ESRRB: variants seen among roughly 807,000 people sequenced by gnomAD.
The protein encoded by ESRRB is steroid hormone receptor ERR2.
Under a neutral mutation model 46.0 loss-of-function variants are expected in ESRRB, and 16 were observed. That is an observed-to-expected ratio of 0.35 (90% CI 0.24 to 0.53). The LOEUF (loss-of-function observed/expected upper bound fraction) is 0.53, where lower values mean the gene tolerates loss of function less well. Among genes scored for constraint, ESRRB ranks in the 20% least tolerant of loss-of-function variants. The probability of loss-of-function intolerance (pLI) is 0.93; values close to 1 mark genes in which losing one functional copy is unlikely to be tolerated. For missense variants in ESRRB, 488 were observed against 607.4 expected (o/e 0.80, Z 2.07); for synonymous variants, 246 against 259.6 (o/e 0.95, Z 0.50).
intron 1 of ESRRB, among the ~76,000 whole-genome samples, chr14:76,330,545 A>T (rs1461943691): frequency 6.6e-6 from 1 of 152,088 alleles, no homozygotes; most frequent in Non-Finnish European, 1.5e-5. Context: ...ACTTGCCCTG[A>T]CCACTTCCTG....
In ESRRB at chr14:76,477,301, A is replaced by G. The variant is rs116216204; in HGVS notation, c.578-4715A>G. On this transcript the variant is annotated intron_variant, in intron 3 of 6. Coordinates refer to ENST00000644823, the MANE Select transcript of ESRRB (RefSeq NM_001379180.1). ...AAGAACCCATCGAATCGAAGAGCTG[A>G]TGGGTATAAAGGGAAACCAGCATGA... is the stretch of plus-strand genomic sequence containing the variant. Among the ~76,000 whole-genome samples the G allele has an allele frequency of 3.8e-3, 575 of 152,290 alleles. 6 individuals are homozygous for G. The highest frequency in any genetic ancestry group is 0.013 in the African/African-American group (552 of 41,552).
intron 3 of ESRRB, among the ~76,000 whole-genome samples, chr14:76,469,003 T>C (rs1358385901): frequency 6.6e-6 from 1 of 152,186 alleles, no homozygotes; most frequent in African/African-American, 2.4e-5. Flanking sequence ...CTTGGTAGAA[T>C]AGAGGTATTC....
chr14:76,492,186 C>A (rs764691703), intron 6 of ESRRB, among the ~76,000 whole-genome samples: 17 of 152,216 alleles, frequency 1.1e-4, no homozygotes, highest in African/African-American at 4.1e-4. Context: ...TTATTATAGA[C>A]GGGGTCTTGT....
At chr14:76,370,549 C>T (rs374392947), upstream of ESRRB, among the ~76,000 whole-genome samples, 8 of 152,304 alleles carry the variant, frequency 5.3e-5, no homozygotes, top group African/African-American at 1.9e-4. Context: ...GTCATTCATT[C>T]AGTCAACAGC....
intron 1 of ESRRB, among the ~76,000 whole-genome samples, chr14:76,321,098 T>A (rs1009113833): frequency 5.9e-5 from 9 of 152,222 alleles, no homozygotes; most frequent in African/African-American, 2.2e-4. Context: ...GTGCGACAAT[T>A]CTTTTTACTG....
chr14:76,432,970 C>T (rs552044125), intron 1 of ESRRB, among the ~76,000 whole-genome samples: 6 of 152,106 alleles, frequency 3.9e-5, no homozygotes, highest in Admixed American at 6.6e-5. Flanking sequence ...CTACCACACC[C>T]GGCTGGATTC....
At chr14:76,489,445 C>CCACACACACA (rs56091857) in intron 5 of ESRRB, among the ~76,000 whole-genome samples, 15,796 of 129,470 alleles carry the variant, frequency 0.12, 1,048 homozygotes, top group Admixed American at 0.18. Flanking sequence ...ATCTGGACAA[C>CCACACACACA]CACACACACA....
intron 1 of ESRRB, among the ~76,000 whole-genome samples, chr14:76,338,715 C>T (rs1212920417): frequency 3.3e-5 from 5 of 152,146 alleles, no homozygotes; most frequent in African/African-American, 1.2e-4. Flanking sequence ...GGAGGCCAAG[C>T]TGGGTGGATC....
At chr14:76,377,221 T>C (rs1268079778) in intron 1 of ESRRB, among the ~76,000 whole-genome samples, 1 of 152,182 alleles carries the variant, frequency 6.6e-6, no homozygotes, top group Non-Finnish European at 1.5e-5. Flanking sequence ...GAGAAGCGAC[T>C]CTCAGAAACC....
chr14:76,336,622 G>C (rs1323829692), intron 1 of ESRRB, among the ~76,000 whole-genome samples: 1 of 152,110 alleles, frequency 6.6e-6, no homozygotes, highest in African/African-American at 2.4e-5. Context: ...GAAACCAGCA[G>C]TCTGCACTTC....
At chr14:76,322,867 G>C (rs1883884281) in intron 1 of ESRRB, among the ~76,000 whole-genome samples, 1 of 152,178 alleles carries the variant, frequency 6.6e-6, no homozygotes, top group Non-Finnish European at 1.5e-5. Flanking sequence ...TAATCACATT[G>C]CTGAGGAGAG....
At chr14:76,412,701 G>A (rs190086772) in intron 1 of ESRRB, among the ~76,000 whole-genome samples, 1 of 152,356 alleles carries the variant, frequency 6.6e-6, no homozygotes, top group Non-Finnish European at 1.5e-5. Flanking sequence ...GTGATTATTA[G>A]CTTTGCTGAA....
chr14:76,412,837 G>A (rs993587256), intron 1 of ESRRB, among the ~76,000 whole-genome samples: 1 of 152,178 alleles, frequency 6.6e-6, no homozygotes, highest in African/African-American at 2.4e-5. Flanking sequence ...CAGAAGGCCC[G>A]AGTTGCAGTG....
chr14:76,457,341 T>G (rs1888656199), intron 2 of ESRRB, among the ~76,000 whole-genome samples: 1 of 152,182 alleles, frequency 6.6e-6, no homozygotes, highest in Non-Finnish European at 1.5e-5. Flanking sequence ...AGACTTATCC[T>G]GGAATCCTTT....
chr14:76,394,224 G>T (rs906221130), intron 1 of ESRRB, among the ~76,000 whole-genome samples: 19 of 149,560 alleles, frequency 1.3e-4, no homozygotes, highest in Admixed American at 4.6e-4. Flanking sequence ...TTTGATGCTG[G>T]GCTCTTTTCT....
chr14:76,357,318 A>T (rs753717919), intron 1 of ESRRB, among the ~76,000 whole-genome samples: 2 of 152,226 alleles, frequency 1.3e-5, no homozygotes, highest in African/African-American at 2.4e-5. Context: ...AAACATTCAG[A>T]GCCTTTGACT....
chr14:76,487,719 G>A (rs187852821), intron 5 of ESRRB, among the ~76,000 whole-genome samples: 5 of 152,110 alleles, frequency 3.3e-5, no homozygotes, highest in African/African-American at 4.8e-5. Context: ...TCCTCCTGCT[G>A]TAGCCTCCCA....
chr14:76,470,105 G>A (rs77444180), intron 3 of ESRRB, among the ~76,000 whole-genome samples: 2,008 of 151,780 alleles, frequency 0.013, 19 homozygotes, highest in East Asian at 0.051. Context: ...GCATCACCAC[G>A]CCTGGTTAAT....
intron 3 of ESRRB, among the ~76,000 whole-genome samples, chr14:76,464,520 C>A (rs1384486016): frequency 6.6e-6 from 1 of 152,182 alleles, no homozygotes; most frequent in African/African-American, 2.4e-5. Context: ...TTTGTGTCGA[C>A]ATGGCACACT....
Sources: gnomAD v4.1 joint callset for allele counts (sites outside exome capture counted in the v4.1 genomes callset) on GRCh38, gnomAD v4.1.1 for gene constraint, MANE v1.5 for transcripts, NCBI Gene and HGNC (gene_info 2026-07-23, HGNC 2026-07-21) for gene names.